Variants in TBCEL observed in about 807,000 individuals in gnomAD.
TBCEL encodes the protein tubulin-specific chaperone cofactor E-like protein.
TBCEL carries 15 observed loss-of-function variants against 44.2 expected under a neutral mutation model. The ratio of observed to expected loss-of-function variants is 0.34; its 90% CI spans 0.23 to 0.52. The LOEUF (loss-of-function observed/expected upper bound fraction) is 0.52. TBCEL is among the 20% of genes least tolerant of loss of function. TBCEL has a pLI of 0.95. For missense variants in TBCEL, 319 were observed against 506.3 expected (o/e 0.63, Z 3.55); for synonymous variants, 171 against 185.4 (o/e 0.92, Z 0.63).
rs139517412 is a variant in TBCEL at position 121,065,122 on chromosome 11, G to A, written c.956+5037G>A. 5.5e-4 allele frequency among the ~76,000 whole-genome samples: 83 copies of A among 152,172 alleles called. 1 individual carries two copies. The South Asian group carries it at 0.011, about 21-fold the overall frequency. ...ATTATAGGTGTGAGCCATTGCACCCGGCCCATACTTATTTTCTGTACGTTT... is the reference window on the plus strand; with the variant it reads ...ATTATAGGTGTGAGCCATTGCACCCAGCCCATACTTATTTTCTGTACGTTT... On this transcript the variant is annotated intron_variant, in intron 8 of 8. Transcript: ENST00000683345.
chr11:121,027,865 C>T (rs961758731), intron 1 of TBCEL, among the ~76,000 whole-genome samples: 2 of 152,024 alleles, frequency 1.3e-5, no homozygotes, highest in Admixed American at 1.3e-4. Flanking sequence ...TCTACCAGGG[C>T]GTAGTTCATA....
intron 8 of TBCEL, among the ~76,000 whole-genome samples, chr11:121,077,865 G>C (rs1946060015): frequency 6.6e-6 from 1 of 151,664 alleles, no homozygotes; most frequent in South Asian, 2.1e-4. Context: ...TGACTCATTG[G>C]GTTATTTACA....
intron 1 of TBCEL, among the ~76,000 whole-genome samples, chr11:121,034,298 T>C (rs1262147899): frequency 6.6e-6 from 1 of 152,186 alleles, no homozygotes; most frequent in African/African-American, 2.4e-5. Flanking sequence ...CTTGCATATG[T>C]GTTGTAAGGT....
At chr11:121,076,613 T>G (rs1946038406) in intron 8 of TBCEL, among the ~76,000 whole-genome samples, 1 of 152,030 alleles carries the variant, frequency 6.6e-6, no homozygotes, top group Non-Finnish European at 1.5e-5. Flanking sequence ...GCACAGTGTA[T>G]GTCTTCTTTT....
chr11:121,053,506 A>G (rs1670368646), intron 4 of TBCEL, 45 bp from the exon 5 acceptor site: 1 of 1,577,352 alleles, frequency 6.3e-7, no homozygotes, highest in African/African-American at 1.4e-5. Flanking sequence ...GCTATTTAAC[A>G]GCTCTGATTA....
intron 2 of TBCEL, among the ~76,000 whole-genome samples, chr11:121,038,513 G>A (rs1434444716): frequency 6.6e-6 from 1 of 151,918 alleles, no homozygotes; most frequent in East Asian, 1.9e-4. Flanking sequence ...GTGGATAGTT[G>A]TTCAAAAGAA....
rs765729019 is a variant in TBCEL, at chr11:121,055,052, T to C, written c.456T>C (p.Asp152=). 20 of 1,483,084 alleles carry C rather than the reference T, an allele frequency of 1.3e-5. 1 individual carries two copies. In the South Asian group the frequency reaches 3.1e-4, roughly 23 times the overall value. The allele number at this position is 1,483,084 out of a possible 1,614,324, so 91.9% of individuals were successfully genotyped here. A position where few individuals can be genotyped will look rare whatever the true frequency, so the allele number is the denominator to read the frequency against. The change falls in exon 6 of 9, where the codon GAT becomes GAC. Residue 152 remains aspartate, a splice_region_variant and synonymous_variant. Transcript: ENST00000683345. ...GAAATATTTCCTTTTTTCTCTGCAG[T>C]TTGGAGGAGCTCTTCCTGTGCCTTA... ...TVHMILQELP[D]LEELFLCLND...
At chr11:121,064,480 C>A (rs1945781357) in intron 8 of TBCEL, among the ~76,000 whole-genome samples, 1 of 152,148 alleles carries the variant, frequency 6.6e-6, no homozygotes, top group Non-Finnish European at 1.5e-5. Flanking sequence ...GACCAATTAG[C>A]TATTGGAAAA....
Position 121,088,465 on chromosome 11 carries a change from A to G in TBCEL, c.*1369A>G, listed in dbSNP as rs1393449127. 5 of 152,096 alleles carry G rather than the reference A, an allele frequency of 3.3e-5. No individual in the cohort carries two copies. The highest frequency in any genetic ancestry group is 9.7e-5 in the African/African-American group (4 of 41,416). The allele number at this position is 152,096 out of a possible 1,614,324, so 9.4% of individuals were successfully genotyped here. On this transcript the variant is annotated 3_prime_UTR_variant, in exon 9 of 9. Coordinates refer to ENST00000683345, the MANE Select transcript of TBCEL (RefSeq NM_001363644.2). Reference sequence around the variant, plus strand: ...GTTCTTCTATTCCTTTGTTAATCAGATGTAATCCCTTTCTTTAATGTGTAT... The same window carrying G: ...GTTCTTCTATTCCTTTGTTAATCAGGTGTAATCCCTTTCTTTAATGTGTAT...
chr11:121,080,650 T>A (rs929204958), intron 8 of TBCEL, among the ~76,000 whole-genome samples: 1 of 152,178 alleles, frequency 6.6e-6, no homozygotes, highest in African/African-American at 2.4e-5. Flanking sequence ...GAGAAAAAAT[T>A]AATGTTTGTT....
chr11:121,058,775 G>A (rs1460216556), intron 7 of TBCEL, among the ~76,000 whole-genome samples: 6 of 151,946 alleles, frequency 3.9e-5, no homozygotes, highest in East Asian at 1.9e-4. Context: ...GTAAAAGTAC[G>A]TACAGTAGGG....
At position 121,090,123 on chromosome 11, in the gene TBCEL, C is replaced by G. The variant is rs12282529; in HGVS notation, c.*3027C>G. 1 of 152,162 alleles carries G rather than the reference C, an allele frequency of 6.6e-6. No individual in the cohort carries two copies. The highest frequency in any genetic ancestry group is 1.9e-4 in the East Asian group (1 of 5,198). The allele number at this position is 152,162 out of a possible 1,614,324, so 9.4% of individuals were successfully genotyped here. A position where few individuals can be genotyped will look rare whatever the true frequency, so the allele number is the denominator to read the frequency against. On this transcript the variant is annotated 3_prime_UTR_variant, in exon 9 of 9. Coordinates refer to ENST00000683345, the MANE Select transcript of TBCEL (RefSeq NM_001363644.2). Reference sequence around the variant, plus strand: ...TATAAGCCCCTAGTTATTAAGACTTCTCAGTTAATATTAAGGCCAAAATAT... The same window carrying G: ...TATAAGCCCCTAGTTATTAAGACTTGTCAGTTAATATTAAGGCCAAAATAT...
chr11:121,045,218 C>T (rs184290135), intron 2 of TBCEL, among the ~76,000 whole-genome samples: 1 of 152,190 alleles, frequency 6.6e-6, no homozygotes, highest in East Asian at 1.9e-4. Context: ...ATACAGTTAT[C>T]CAGTTATCCA....
At position 121,045,623 on chromosome 11, in the gene TBCEL, T is replaced by C. The variant is rs1045863862; in HGVS notation, c.-17-51T>C. 4 of 1,436,894 alleles carry C rather than the reference T, an allele frequency of 2.8e-6. No homozygotes were observed. In the African/African-American group the frequency reaches 4.3e-5, roughly 15 times the overall value. The allele number at this position is 1,436,894 out of a possible 1,614,324, so 89.0% of individuals were successfully genotyped here. ...ATGGGTTTTCAATAAATACTTCTTATGTGAGTAAATACATAATTACATAAT... is the reference window on the plus strand; with the variant it reads ...ATGGGTTTTCAATAAATACTTCTTACGTGAGTAAATACATAATTACATAAT... On this transcript the variant is annotated intron_variant, in intron 2 of 8. Coordinates refer to ENST00000683345, the MANE Select transcript of TBCEL (RefSeq NM_001363644.2).
At chr11:121,026,689 G>A (rs963364757) in intron 1 of TBCEL, among the ~76,000 whole-genome samples, 1 of 152,182 alleles carries the variant, frequency 6.6e-6, no homozygotes, top group African/African-American at 2.4e-5. Flanking sequence ...ACTGATAGAG[G>A]CGTTATGCTG....
chr11:121,078,658 C>T (rs978597829), intron 8 of TBCEL, among the ~76,000 whole-genome samples: 2 of 152,186 alleles, frequency 1.3e-5, no homozygotes, highest in Admixed American at 6.5e-5. Flanking sequence ...TCTACCCCTA[C>T]TTCAAGCAGG....
At chr11:121,053,415 C>A in intron 4 of TBCEL, 136 bp from the exon 5 acceptor site, 1 of 709,434 alleles carries the variant, frequency 1.4e-6, no homozygotes, top group East Asian at 2.6e-5. Flanking sequence ...CTGTGAGTAC[C>A]GTCACTAAAT....
chr11:121,083,848 G>T (rs1348126778), intron 8 of TBCEL, among the ~76,000 whole-genome samples: 1 of 151,950 alleles, frequency 6.6e-6, no homozygotes, highest in African/African-American at 2.4e-5. Context: ...AAAAAAACTT[G>T]GTGCCTTAGT....
intron 8 of TBCEL, among the ~76,000 whole-genome samples, chr11:121,066,585 C>A (rs942871968): frequency 1.4e-3 from 206 of 152,328 alleles, no homozygotes; most frequent in African/African-American, 4.6e-3. Context: ...GTCTTTTGAG[C>A]CCTTGCAGTA....
Sources: gnomAD v4.1 joint callset for allele counts (sites outside exome capture counted in the v4.1 genomes callset) on GRCh38, gnomAD v4.1.1 for gene constraint, MANE v1.5 for transcripts, NCBI Gene and HGNC (gene_info 2026-07-23, HGNC 2026-07-21) for gene names.